UROC1: variants seen among roughly 807,000 people sequenced by gnomAD.
The protein encoded by UROC1 is urocanate hydratase.
UROC1 carries 79 observed loss-of-function variants against 89.5 expected under a neutral mutation model. The ratio of observed to expected loss-of-function variants is 0.88; its 90% CI spans 0.74 to 1.06. The LOEUF is 1.06. UROC1 is among the 50% of genes least tolerant of loss of function. The pLI, the probability that UROC1 is intolerant of heterozygous loss-of-function variation, is 0.00. For synonymous variants in UROC1, 361 were observed against 354.8 expected (o/e 1.02, Z -0.20); for missense variants, 885 against 907.8 (o/e 0.97, Z 0.32).
At chr3:126,501,966 A>G (rs1180053480) in intron 9 of UROC1, 2 of 1,577,040 alleles carry the variant, frequency 1.3e-6, no homozygotes, top group African/African-American at 2.7e-5. Context: ...AACCGTGAGC[A>G]GAGCTCACTC....
rs1234852919 is a variant in UROC1, at chr3:126,496,016, T to C, written c.1509+22A>G. 1.9e-6 allele frequency: 3 copies of C among 1,610,050 alleles called. No individual in the cohort carries two copies. In the Admixed American group the frequency reaches 5.0e-5, roughly 27 times the overall value. On this transcript the variant is annotated intron_variant, in intron 15 of 19. Transcript: ENST00000290868. ...TTCTGACAGCACAGCCACCCCAGCC[T>C]CCCCCAGGCCTGGGCCCTCACCAGC...
At chr3:126,488,397 C>T in intron 17 of UROC1, 118 bp from the exon 18 acceptor site, 1 of 1,090,586 alleles carries the variant, frequency 9.2e-7, no homozygotes, top group South Asian at 1.3e-5. Flanking sequence ...GGGGCGGCAA[C>T]TAGGCCCTAG....
intron 13 of UROC1, 84 bp from the exon 14 acceptor site, chr3:126,498,256 G>A: frequency 6.2e-7 from 1 of 1,607,710 alleles, no homozygotes. Flanking sequence ...AGGGAGGAGG[G>A]CTCAGCATCC....
chr3:126,499,093 C>G (rs1288462041), intron 13 of UROC1, among the ~76,000 whole-genome samples: 1 of 151,920 alleles, frequency 6.6e-6, no homozygotes, highest in Non-Finnish European at 1.5e-5. Flanking sequence ...CCCGCAGCCC[C>G]CTGTTCTCAC....
chr3:126,511,776 C>T (rs187772026), intron 1 of UROC1, among the ~76,000 whole-genome samples: 11 of 152,286 alleles, frequency 7.2e-5, no homozygotes, highest in East Asian at 3.9e-4. Flanking sequence ...TTTCCAAATC[C>T]GAAATACAGC....
At chr3:126,506,516 G>A (rs1311334973) in intron 6 of UROC1, among the ~76,000 whole-genome samples, 1 of 152,154 alleles carries the variant, frequency 6.6e-6, no homozygotes, top group Non-Finnish European at 1.5e-5. Flanking sequence ...GGAGGCAAAA[G>A]GGTTAAATAA....
At chr3:126,510,821 CG>C in intron 1 of UROC1, 27 bp from the exon 2 acceptor site, 1 of 1,608,366 alleles carries the variant, frequency 6.2e-7, no homozygotes, top group Non-Finnish European at 8.5e-7. Context: ...GAGAGGCAGT[CG>C]GGGCTGGGAC....
chr3:126,514,848 C>A (rs1560129583), intron 1 of UROC1, among the ~76,000 whole-genome samples: 1 of 151,780 alleles, frequency 6.6e-6, no homozygotes, highest in Non-Finnish European at 1.5e-5. Context: ...CTTACAAATG[C>A]CAAAAAATAA....
intron 1 of UROC1, 139 bp from the exon 2 acceptor site, chr3:126,510,933 C>A: frequency 7.5e-7 from 1 of 1,338,906 alleles, no homozygotes; most frequent in Non-Finnish European, 1.0e-6. Flanking sequence ...AGAGACTGTT[C>A]TCACCCCAGG....
chr3:126,482,392 G>A lies in UROC1; in HGVS notation c.1984C>T (p.His662Tyr). Residue 662 changes from histidine (H) to tyrosine (Y), a missense_variant, in exon 20 of 20, where the codon CAC becomes TAC. His to Tyr is a moderately conservative substitution (Grantham distance 83). Coordinates refer to ENST00000290868, the MANE Select transcript of UROC1 (RefSeq NM_144639.3). ...ENSTLVVTLPHKVEDERVLQQ... is the reference protein window; with the variant it reads ...ENSTLVVTLPYKVEDERVLQQ... ...AGCACCCGCTCGTCCTCCACCTTGT[G>A]AGGCAGTGTCACCACCAAGGTGCTG... 3.1e-6 allele frequency: 5 copies of A among 1,613,900 alleles called. No homozygotes were observed. Among genetic ancestry groups the A allele is most frequent in the Non-Finnish European group, 4.2e-6 (5 of 1,179,986 alleles).
chr3:126,498,166 T>C lies in UROC1; in HGVS notation c.1323A>G (p.Ile441Met). 1 of 1,614,134 alleles carries C rather than the reference T, an allele frequency of 6.2e-7. No individual in the cohort carries two copies. Among genetic ancestry groups the C allele is most frequent in the Non-Finnish European group, 8.5e-7 (1 of 1,180,014 alleles). Residue 441 changes from isoleucine to methionine, a missense_variant, in exon 14 of 20, where the codon ATA (isoleucine) becomes ATG (methionine). By Grantham distance (10) the Ile-to-Met change is conservative (BLOSUM62 1). Coordinates refer to ENST00000290868, the MANE Select transcript of UROC1 (RefSeq NM_144639.3). ...GGAAAGGCCCAAATCCCTGGGAGAA[T>C]ATGTCCCTGCAAGCACAGATGCCTC... ...PSYVQHIMGD[I>M]FSQGFGPFRW...
In UROC1 at chr3:126,508,100, G is replaced by T; in HGVS notation, c.412-5C>A. 6.2e-7 allele frequency: 1 copy of T among 1,613,716 alleles called. No homozygotes were observed. The highest frequency in any genetic ancestry group is 1.1e-5 in the South Asian group (1 of 91,058). On this transcript the variant is annotated splice_polypyrimidine_tract_variant and splice_region_variant and intron_variant, in intron 4 of 19. Transcript: ENST00000290868. ...GTAGAACATGGTCAGCCAGAACTGG[G>T]GGAAGAGCAGAGCGTGGGGATTCTG...
intron 1 of UROC1, among the ~76,000 whole-genome samples, chr3:126,511,157 T>C (rs1298225641): frequency 6.6e-6 from 1 of 152,058 alleles, no homozygotes; most frequent in Non-Finnish European, 1.5e-5. Context: ...GGGTGGAAAG[T>C]AGACCCCACA....
chr3:126,493,273 C>A (rs1349797295), intron 15 of UROC1, among the ~76,000 whole-genome samples: 1 of 152,152 alleles, frequency 6.6e-6, no homozygotes. Context: ...TCTACAACGG[C>A]CCCCGTGATG....
At chr3:126,484,127 C>T (rs976912896) in intron 18 of UROC1, among the ~76,000 whole-genome samples, 12 of 152,276 alleles carry the variant, frequency 7.9e-5, no homozygotes, top group Admixed American at 7.8e-4. Context: ...CCTTTATTTT[C>T]AATATTTCTG....
intron 2 of UROC1, 104 bp from the exon 3 acceptor site, chr3:126,509,782 C>A (rs1295440989): frequency 1.9e-6 from 2 of 1,080,000 alleles, no homozygotes; most frequent in South Asian, 1.3e-5. Flanking sequence ...TAGCCGGACA[C>A]GGGGCCTGCA....
intron 5 of UROC1, 73 bp downstream of exon 5, chr3:126,507,894 G>A: frequency 6.2e-7 from 1 of 1,612,584 alleles, no homozygotes; most frequent in East Asian, 2.2e-5. Context: ...TGGGGCACTG[G>A]GCTTTCTTTC....
intron 14 of UROC1, 123 bp from the exon 15 acceptor site, chr3:126,496,231 AG>A (rs1935773814): frequency 1.0e-6 from 1 of 970,278 alleles, no homozygotes; most frequent in Non-Finnish European, 1.6e-6. Context: ...ACACAAGGTG[AG>A]GGAGCCCACC....
intron 1 of UROC1, 99 bp from the exon 2 acceptor site, chr3:126,510,893 C>A: frequency 1.3e-6 from 2 of 1,507,548 alleles, no homozygotes; most frequent in South Asian, 1.3e-5. Context: ...GGATTTGTCT[C>A]TGCTCCACTC....
Sources: gnomAD v4.1 joint callset for allele counts (sites outside exome capture counted in the v4.1 genomes callset) on GRCh38, gnomAD v4.1.1 for gene constraint, MANE v1.5 for transcripts, NCBI Gene and HGNC (gene_info 2026-07-23, HGNC 2026-07-21) for gene names.